SORL1: variants seen among roughly 807,000 people sequenced by gnomAD.
SORL1 encodes the protein sortilin related receptor 1.
In SORL1, 127 loss-of-function variants were observed where a neutral mutation model predicts 273.7. That is an observed-to-expected ratio of 0.46 (90% CI 0.40 to 0.54). The LOEUF (loss-of-function observed/expected upper bound fraction) is 0.54. Among genes scored for constraint, SORL1 ranks in the 20% least tolerant of loss-of-function variants. The pLI is 0.00. For synonymous variants in SORL1, 1,031 were observed against 1,067.4 expected, an observed-to-expected ratio of 0.97 and a Z score of 0.66; for missense variants, 2,494 against 2,846.1, an observed-to-expected ratio of 0.88 and a Z score of 2.81.
Position 121,537,610 on chromosome 11 carries a change from C to T in SORL1, c.1685+5058C>T, listed in dbSNP as rs547422342. ...TATTACAATATCTGGTGCAGCCTTC[C>T]GCCACCCTTTGCAAGAATTTTCTCC... is the stretch of plus-strand genomic sequence containing the variant. On this transcript the variant is annotated intron_variant, in intron 12 of 47. Coordinates refer to ENST00000260197, the MANE Select transcript of SORL1 (RefSeq NM_003105.6). Among the ~76,000 whole-genome samples, 10 of 152,280 alleles carry T rather than the reference C, an allele frequency of 6.6e-5. No individual in the cohort carries two copies. The East Asian group carries it at 9.6e-4, about 15-fold the overall frequency.
intron 2 of SORL1, among the ~76,000 whole-genome samples, chr11:121,475,660 A>G (rs1275691339): frequency 6.6e-6 from 1 of 152,244 alleles, no homozygotes. Flanking sequence ...AAACGTTAAG[A>G]TGGAGAAGAG....
intron 25 of SORL1, among the ~76,000 whole-genome samples, chr11:121,577,631 T>C (rs938932678): frequency 6.6e-6 from 1 of 152,230 alleles, no homozygotes; most frequent in African/African-American, 2.4e-5. Flanking sequence ...GTGATATCGT[T>C]GATTTATGTT....
chr11:121,580,142 CTTTG>C (rs1026591429), intron 25 of SORL1, among the ~76,000 whole-genome samples: 11 of 152,140 alleles, frequency 7.2e-5, no homozygotes, highest in African/African-American at 2.2e-4. Flanking sequence ...CTGCTTGAGA[CTTTG>C]TTTGTTTTAA....
rs753573584 is a variant in SORL1 at position 121,469,994 on chromosome 11, T to C, written c.286-13T>C. On this transcript the variant is annotated splice_polypyrimidine_tract_variant and intron_variant, in intron 1 of 47. Transcript: ENST00000260197. ...TTATCGTGGGTCCTAATTCCTACAT[T>C]GATCTCTTTCAGGTTAGTCTGAATG... The C allele has an allele frequency of 6.4e-7, 1 of 1,574,704 alleles. No individual in the cohort carries two copies. Among genetic ancestry groups the C allele is most frequent in the Non-Finnish European group, 8.7e-7 (1 of 1,143,942 alleles).
At chr11:121,617,610 G>A (rs553688522) in intron 41 of SORL1, among the ~76,000 whole-genome samples, 10 of 152,268 alleles carry the variant, frequency 6.6e-5, no homozygotes, top group Admixed American at 2.6e-4. Context: ...TCATCCCATG[G>A]ATCCTGCAGC....
At chr11:121,597,608 T>A (rs1863317373) in intron 32 of SORL1, among the ~76,000 whole-genome samples, 1 of 152,098 alleles carries the variant, frequency 6.6e-6, no homozygotes, top group South Asian at 2.1e-4. Context: ...ACGACAGGCA[T>A]GCGGCACCAT....
chr11:121,526,858 C>T (rs1290285999), intron 11 of SORL1, among the ~76,000 whole-genome samples: 6 of 152,050 alleles, frequency 3.9e-5, no homozygotes, highest in Non-Finnish European at 7.4e-5. Context: ...GCAATCATAC[C>T]ATTTGCAAAG....
intron 23 of SORL1, among the ~76,000 whole-genome samples, chr11:121,573,831 C>T (rs1862884236): frequency 6.6e-6 from 1 of 152,192 alleles, no homozygotes; most frequent in Admixed American, 6.5e-5. Flanking sequence ...CCTTTACCAT[C>T]TGTACAATGA....
chr11:121,552,373 G>GC (rs1308090312), intron 16 of SORL1, among the ~76,000 whole-genome samples: 1 of 152,226 alleles, frequency 6.6e-6, no homozygotes, highest in Non-Finnish European at 1.5e-5. Flanking sequence ...GCGCTGGAAT[G>GC]CCGCATGCTG....
Position 121,514,259 on chromosome 11 carries a change from C to A in SORL1, c.1149C>A (p.Ser383=). The A allele has an allele frequency of 1.9e-6, 3 of 1,614,206 alleles. No individual in the cohort carries two copies. The highest frequency in any genetic ancestry group is 2.5e-6 in the Non-Finnish European group (3 of 1,180,038). ...CAGAGGCAGAGGGGCTGAAGTTCTC[C>A]CTGTCCTTGGAGAACGTGCTCTATT... ...YISEAEGLKF[S]LSLENVLYYS... Residue 383 remains serine (S), a synonymous_variant, in exon 8 of 48, where the codon TCC becomes TCA. Transcript: ENST00000260197.
In SORL1 at chr11:121,563,983, A is replaced by G. The variant is rs1228685793; in HGVS notation, c.3050-2957A>G. ...AGATGATGACATTTTTGGCTCCTAA[A>G]GTATTCCTGGAGGAATTTTCCAAAC... On this transcript the variant is annotated intron_variant, in intron 21 of 47. Transcript: ENST00000260197. This position sits in a 1 kb window ranked among gnomAD's most constrained non-coding sequence, Gnocchi z 4.2. 6.6e-6 allele frequency among the ~76,000 whole-genome samples: 1 copy of G among 152,240 alleles called. No homozygotes were observed. Among genetic ancestry groups the G allele is most frequent in the Admixed American group, 6.5e-5 (1 of 15,284 alleles).
chr11:121,622,207 A>G lies in SORL1; in HGVS notation c.6110A>G (p.Asp2037Gly). ...PDALKIITEN[D>G]HVLLFWKSLA... ...GCCTTAAAAATCATAACAGAAAATGATCATGTTCTTCTGTTTTGGAAAAGC... is the reference window on the plus strand; with the variant it reads ...GCCTTAAAAATCATAACAGAAAATGGTCATGTTCTTCTGTTTTGGAAAAGC... Residue 2037 changes from aspartate to glycine, a missense_variant, in exon 45 of 48, where the codon GAT becomes GGT. Asp to Gly is a moderately conservative substitution (Grantham distance 94). Around this residue, in one of 3 missense-constraint regions of SORL1, gnomAD observed 1,609 missense variants for 1,816.4 expected, o/e 0.89. Coordinates refer to ENST00000260197, the MANE Select transcript of SORL1 (RefSeq NM_003105.6). 1 of 1,612,934 alleles carries G rather than the reference A, an allele frequency of 6.2e-7. No individual in the cohort carries two copies. Among genetic ancestry groups the G allele is most frequent in the Non-Finnish European group, 8.5e-7 (1 of 1,179,400 alleles).
intron 12 of SORL1, among the ~76,000 whole-genome samples, chr11:121,535,427 G>T (rs1424703982): frequency 6.6e-6 from 1 of 152,214 alleles, no homozygotes; most frequent in Non-Finnish European, 1.5e-5. Flanking sequence ...TGCTGTGCTG[G>T]ATACCAAGGA....
intron 9 of SORL1, among the ~76,000 whole-genome samples, chr11:121,521,436 G>A (rs533193330): frequency 7.2e-5 from 11 of 152,204 alleles, no homozygotes; most frequent in Non-Finnish European, 1.5e-4. Context: ...GTGCTGTGGG[G>A]GTCAGGCTTT....
In SORL1 at chr11:121,488,201, G is replaced by C; in HGVS notation, c.690+8G>C. On this transcript the variant is annotated splice_region_variant and intron_variant, in intron 4 of 47. Transcript: ENST00000260197. ...TCCCACCCCAACAAGCAGGTAAGAG[G>C]GCTTTCAGAACCCAGTTGCATGGGG... 1 of 1,613,104 alleles carries C rather than the reference G, an allele frequency of 6.2e-7. No homozygotes were observed. The highest frequency in any genetic ancestry group is 8.5e-7 in the Non-Finnish European group (1 of 1,179,534).
intron 2 of SORL1, among the ~76,000 whole-genome samples, chr11:121,474,691 G>A (rs1742415766): frequency 6.6e-6 from 1 of 152,204 alleles, no homozygotes; most frequent in South Asian, 2.1e-4. Context: ...AACCAACTAG[G>A]AGCACAAGAT....
intron 12 of SORL1, among the ~76,000 whole-genome samples, chr11:121,542,974 G>A (rs956566424): frequency 6.6e-6 from 1 of 150,666 alleles, no homozygotes; most frequent in Non-Finnish European, 1.5e-5. Context: ...TCAGGAGGTC[G>A]AGATCATCCT....
At chr11:121,502,888 A>G (rs899803714) in intron 6 of SORL1, among the ~76,000 whole-genome samples, 1 of 150,446 alleles carries the variant, frequency 6.6e-6, no homozygotes, top group African/African-American at 2.5e-5. Context: ...TATTTTTTTG[A>G]GTTGGGGGTC....
At chr11:121,565,862 C>G (rs1023275045) in intron 21 of SORL1, among the ~76,000 whole-genome samples, 1 of 152,222 alleles carries the variant, frequency 6.6e-6, no homozygotes, top group Admixed American at 6.5e-5. Flanking sequence ...TACGAACTCT[C>G]TCCGGTGCTG....
Sources: gnomAD v4.1 joint callset for allele counts (sites outside exome capture counted in the v4.1 genomes callset) on GRCh38, gnomAD v4.1.1 for gene constraint, gnomAD v4.1.1 regional missense constraint, Gnocchi (gnomAD v3.1) non-coding constraint, MANE v1.5 for transcripts, NCBI Gene and HGNC (gene_info 2026-07-23, HGNC 2026-07-21) for gene names.